The following TTC6 variants were observed in gnomAD, a reference collection of about 807,000 sequenced individuals.
The protein encoded by TTC6 is tetratricopeptide repeat domain 6.
Under a neutral mutation model 210.4 loss-of-function variants are expected in TTC6, and 172 were observed. The observed-to-expected ratio is 0.82, with a 90% CI of 0.72 to 0.93. TTC6 has a LOEUF of 0.93. Ranked by LOEUF, TTC6 falls within the 40% of genes least tolerant of loss-of-function variation. The pLI is 0.00. For synonymous variants in TTC6, 804 were observed against 819.6 expected (o/e 0.98, Z 0.32); for missense variants, 2,414 against 2,318.1 (o/e 1.04, Z -0.85).
At chr14:37,777,564 T>C (rs2096041571) in intron 14 of TTC6, among the ~76,000 whole-genome samples, 1 of 152,196 alleles carries the variant, frequency 6.6e-6, no homozygotes, top group African/African-American at 2.4e-5. Flanking sequence ...ATCTCAATGA[T>C]CTTTGTTCCT....
At chr14:37,637,051 A>G (rs1483200319) in intron 1 of TTC6, among the ~76,000 whole-genome samples, 1 of 152,160 alleles carries the variant, frequency 6.6e-6, no homozygotes, top group Non-Finnish European at 1.5e-5. Context: ...CATTTCAACA[A>G]ATGGTTCTGG....
chr14:37,785,331 T>C (rs2096065115), intron 14 of TTC6, among the ~76,000 whole-genome samples: 1 of 152,300 alleles, frequency 6.6e-6, no homozygotes, highest in African/African-American at 2.4e-5. Context: ...CTTTTTACTC[T>C]TTTTTCTCTA....
At chr14:37,670,474 C>CCTTTTTTTTTTTTTTT (rs532690678) in intron 1 of TTC6, among the ~76,000 whole-genome samples, 12 of 121,324 alleles carry the variant, frequency 9.9e-5, no homozygotes, top group African/African-American at 9.3e-5. Flanking sequence ...AACTACCTCA[C>CCTTTTTTTTTTTTTTT]TTTTTTTTTT....
chr14:37,608,770 G>A (rs890479722), intron 2 of TTC6, among the ~76,000 whole-genome samples: 27 of 152,078 alleles, frequency 1.8e-4, no homozygotes, highest in African/African-American at 5.8e-4. Context: ...AACTGTGTTC[G>A]GACTTTGTTC....
At chr14:37,679,890 A>G (rs1208141868) in intron 1 of TTC6, among the ~76,000 whole-genome samples, 5 of 151,838 alleles carry the variant, frequency 3.3e-5, no homozygotes, top group African/African-American at 4.8e-5. Context: ...GGGTTTCACT[A>G]TGTTGGTCAG....
intron 1 of TTC6, among the ~76,000 whole-genome samples, chr14:37,626,823 C>G (rs36004540): frequency 6.6e-6 from 1 of 152,176 alleles, no homozygotes; most frequent in African/African-American, 2.4e-5. Flanking sequence ...AATTTTTAGA[C>G]GATAACTATG....
chr14:37,758,747 T>C (rs1490272653), intron 14 of TTC6, among the ~76,000 whole-genome samples: 6 of 152,224 alleles, frequency 3.9e-5, no homozygotes, highest in Admixed American at 3.9e-4. Context: ...GCTGGTTATT[T>C]TATACATTAG....
chr14:37,812,938 G>A (rs1227213865), intron 25 of TTC6, among the ~76,000 whole-genome samples: 2 of 152,088 alleles, frequency 1.3e-5, no homozygotes, highest in Middle Eastern at 3.2e-3. Flanking sequence ...CAAAAGAAAC[G>A]GGTAGTTTAA....
Position 37,808,060 on chromosome 14 carries a change from T to C in TTC6, c.4455+600T>C, listed in dbSNP as rs1160357628. 2.6e-5 allele frequency among the ~76,000 whole-genome samples: 4 copies of C among 152,166 alleles called. No individual in the cohort carries two copies. In the East Asian group the frequency reaches 5.8e-4, roughly 22 times the overall value. ...ACAAAATTGCTGCTTGGGTTTATGA[T>C]TGGTTCTTAAACAGAAGTTACTGGG... On this transcript the variant is annotated intron_variant, in intron 23 of 30. Transcript: ENST00000553443.
intron 10 of TTC6, among the ~76,000 whole-genome samples, chr14:37,746,212 C>T (rs773513950): frequency 5.9e-5 from 9 of 152,076 alleles, no homozygotes; most frequent in Non-Finnish European, 1.2e-4. Context: ...TTCTTGGCTC[C>T]CGTTCCCCCA....
chr14:37,751,034 T>C lies in TTC6; in HGVS notation c.2957-19T>C. 6.7e-7 allele frequency: 1 copy of C among 1,486,040 alleles called. No individual in the cohort carries two copies. 92.1% of individuals were successfully genotyped at this position (1,486,040 alleles called of 1,614,324 possible). A position where few individuals can be genotyped will look rare whatever the true frequency, so the allele number is the denominator to read the frequency against. ...GAAAGGATTATAACTCCAAATTTTA[T>C]CTTTTTAATTTTCTTTAGAGGCATA... On this transcript the variant is annotated intron_variant, in intron 12 of 30. Transcript: ENST00000553443.
intron 14 of TTC6, among the ~76,000 whole-genome samples, chr14:37,786,226 G>A (rs1035410856): frequency 6.6e-6 from 1 of 152,208 alleles, no homozygotes; most frequent in Non-Finnish European, 1.5e-5. Context: ...CCACAGAGGT[G>A]GAGTCTACAG....
intron 7 of TTC6, among the ~76,000 whole-genome samples, chr14:37,725,348 A>G (rs187235828): frequency 0.023 from 2,638 of 113,064 alleles, 54 homozygotes; most frequent in Middle Eastern, 0.031. Flanking sequence ...ATATATATAT[A>G]TATATATATA....
intron 20 of TTC6, among the ~76,000 whole-genome samples, chr14:37,797,218 T>C (rs2096094769): frequency 6.6e-6 from 1 of 152,062 alleles, no homozygotes; most frequent in Non-Finnish European, 1.5e-5. Flanking sequence ...AGAATGTGAA[T>C]GTTTAACTTT....
chr14:37,725,308 GTGTGTATATATATATA>G lies in TTC6; in HGVS notation c.1818+308_1818+323del, dbSNP rs1240794765. 1.1e-3 allele frequency among the ~76,000 whole-genome samples: 79 copies of G among 73,396 alleles called. 1 individual carries two copies. Among genetic ancestry groups the G allele is most frequent in the African/African-American group, 2.7e-3 (50 of 18,508 alleles). 48.2% of individuals were successfully genotyped at this position (73,396 alleles called of 152,430 possible). On this transcript the variant is annotated intron_variant, in intron 7 of 30. Coordinates refer to ENST00000553443, the Ensembl canonical transcript of TTC6. The stretch of plus-strand genomic sequence containing the variant: ...TTTATATATGTATGTATGTGTGTGT[GTGTGTATATATATATA>G]TATATATATATATATATATATATAT...
At chr14:37,746,530 C>T (rs552979438) in intron 10 of TTC6, among the ~76,000 whole-genome samples, 3 of 152,208 alleles carry the variant, frequency 2.0e-5, no homozygotes, top group South Asian at 2.1e-4. Flanking sequence ...TTTTAACAAG[C>T]CTTTGGGTAA....
chr14:37,770,733 C>G (rs1351277518), intron 14 of TTC6, among the ~76,000 whole-genome samples: 1 of 147,892 alleles, frequency 6.8e-6, no homozygotes, highest in Non-Finnish European at 1.5e-5. Flanking sequence ...ATACAGCACA[C>G]TGATGGGTCT....
intron 11 of TTC6, 38 bp from the exon 14 acceptor site, chr14:37,749,676 A>G: frequency 7.7e-7 from 1 of 1,291,704 alleles, no homozygotes; most frequent in African/African-American, 1.5e-5. Flanking sequence ...CTCCTTTAAC[A>G]AATCAACTTT....
intron 14 of TTC6, chr14:37,772,414 CT>C: frequency 5.9e-6 from 1 of 170,478 alleles, no homozygotes; most frequent in African/African-American, 2.4e-5. Flanking sequence ...TCGCTGCCGC[CT>C]TGCAGTTTGA....
Sources: allele counts gnomAD v4.1 joint callset (sites outside exome capture counted in the v4.1 genomes callset), GRCh38; gene constraint gnomAD v4.1.1; transcripts MANE v1.5; gene names NCBI Gene and HGNC (gene_info 2026-07-23, HGNC 2026-07-21).